Variants in PDE10A observed in about 807,000 individuals in gnomAD.
PDE10A encodes cAMP and cAMP-inhibited cGMP 3',5'-cyclic phosphodiesterase 10A.
In PDE10A, 39 loss-of-function variants were observed where a neutral mutation model predicts 97.7. The observed-to-expected ratio is 0.40, with a 90% CI of 0.31 to 0.52. The LOEUF (loss-of-function observed/expected upper bound fraction) is 0.52, where lower values mean the gene tolerates loss of function less well. PDE10A is among the 20% of genes least tolerant of loss of function. The probability of loss-of-function intolerance (pLI) is 0.56; values close to 1 mark genes in which losing one functional copy is unlikely to be tolerated. For missense variants in PDE10A, 731 were observed against 1,047.8 expected, an observed-to-expected ratio of 0.70 and a Z score of 4.17; for synonymous variants, 371 against 376.8, an observed-to-expected ratio of 0.98 and a Z score of 0.18.
In PDE10A at chr6:165,463,144, G is replaced by A. The variant is rs901684718; in HGVS notation, c.1024-12782C>T. On this transcript the variant is annotated intron_variant, in intron 3 of 21. Transcript: ENST00000539869. ...AGTCTGCGAGCCACAGCCACACTAC[G>A]TTCAGCTGATCTGAACAAAACAGTC... Among the ~76,000 whole-genome samples the A allele has an allele frequency of 7.2e-4, 109 of 152,272 alleles. 1 individual carries two copies. The highest frequency in any genetic ancestry group is 2.4e-3 in the African/African-American group (98 of 41,552).
chr6:165,942,084 A>G (rs773729195), intron 1 of PDE10A, among the ~76,000 whole-genome samples: 1 of 152,142 alleles, frequency 6.6e-6, no homozygotes, highest in Non-Finnish European at 1.5e-5. Flanking sequence ...ATGATTGGCA[A>G]GCAACTTCAA....
chr6:165,817,270 A>C (rs1041725415), intron 1 of PDE10A, among the ~76,000 whole-genome samples: 4 of 152,130 alleles, frequency 2.6e-5, no homozygotes, highest in Non-Finnish European at 5.9e-5. Context: ...AAAGAGGGCT[A>C]TCCTGGGAAT....
chr6:165,349,232 T>A (rs1782527172), intron 18 of PDE10A, among the ~76,000 whole-genome samples: 1 of 152,242 alleles, frequency 6.6e-6, no homozygotes, highest in African/African-American at 2.4e-5. Context: ...GTGGGAAGGT[T>A]TGAAACTTCC....
In PDE10A at chr6:165,646,260, AT is replaced by A. The variant is rs1249280993; in HGVS notation, c.865+15686del. Reference sequence around the variant, plus strand: ...GAAGGATTTCTGGAAACGGCTCTCCATTTTCTTGTCTCTTTTTATGTTGAAA... The same window carrying A: ...GAAGGATTTCTGGAAACGGCTCTCCATTTCTTGTCTCTTTTTATGTTGAAA... On this transcript the variant is annotated intron_variant, in intron 1 of 21. Transcript: ENST00000539869. Among the ~76,000 whole-genome samples, 3 of 152,202 alleles carry A rather than the reference AT, an allele frequency of 2.0e-5. 1 individual carries two copies. The highest frequency in any genetic ancestry group is 2.4e-5 in the African/African-American group (1 of 41,462).
chr6:165,416,110 A>G (rs1295582984), intron 12 of PDE10A, 79 bp downstream of exon 12: 9 of 906,050 alleles, frequency 9.9e-6, no homozygotes, highest in South Asian at 8.1e-5. Context: ...TGGAGAACTC[A>G]GGCTCCACGG....
intron 1 of PDE10A, among the ~76,000 whole-genome samples, chr6:165,882,998 G>A (rs1781527745): frequency 6.6e-6 from 1 of 152,222 alleles, no homozygotes. Context: ...CACTTTGGGA[G>A]GCGGAGGCGG....
intron 1 of PDE10A, among the ~76,000 whole-genome samples, chr6:165,759,045 C>T (rs936284734): frequency 6.6e-6 from 1 of 152,168 alleles, no homozygotes; most frequent in African/African-American, 2.4e-5. Context: ...GTCCGTGGGT[C>T]CAGTGTCCAC....
intron 1 of PDE10A, among the ~76,000 whole-genome samples, chr6:165,707,536 G>A (rs921748596): frequency 6.6e-6 from 1 of 152,190 alleles, no homozygotes; most frequent in African/African-American, 2.4e-5. Flanking sequence ...AATTGTGTGA[G>A]GACATTTTCA....
chr6:165,381,919 C>T (rs1351885292), intron 17 of PDE10A, among the ~76,000 whole-genome samples: 3 of 152,126 alleles, frequency 2.0e-5, no homozygotes, highest in Non-Finnish European at 4.4e-5. Flanking sequence ...TTTGTTAACA[C>T]ATAATAAATC....
chr6:165,704,471 T>A (rs1791659049), intron 1 of PDE10A, among the ~76,000 whole-genome samples: 2 of 152,220 alleles, frequency 1.3e-5, no homozygotes, highest in South Asian at 4.1e-4. Context: ...ATTTTTATTT[T>A]TTTGGTATGG....
chr6:165,899,714 G>A (rs1220812328), intron 1 of PDE10A, among the ~76,000 whole-genome samples: 3 of 152,308 alleles, frequency 2.0e-5, no homozygotes, highest in Admixed American at 6.5e-5. Flanking sequence ...AGCTGTGTGC[G>A]CTGGCCGGGC....
chr6:165,490,424 C>G (rs1780162231), intron 2 of PDE10A, among the ~76,000 whole-genome samples: 3 of 152,180 alleles, frequency 2.0e-5, no homozygotes, highest in Admixed American at 2.0e-4. Context: ...CAAGCCAGCA[C>G]TATGAGAACT....
At chr6:165,650,828 C>G (rs571679161) in intron 1 of PDE10A, among the ~76,000 whole-genome samples, 185 of 152,082 alleles carry the variant, frequency 1.2e-3, no homozygotes, top group Non-Finnish European at 2.3e-3. Context: ...ACCTCCACCC[C>G]CTGGGTTCAA....
intron 1 of PDE10A, among the ~76,000 whole-genome samples, chr6:165,856,322 C>G (rs1780731044): frequency 6.6e-6 from 1 of 152,212 alleles, no homozygotes; most frequent in Admixed American, 6.5e-5. Context: ...GCACCACCCC[C>G]TGCCTGACTC....
chr6:165,840,538 C>T (rs879424202), intron 1 of PDE10A, among the ~76,000 whole-genome samples: 12 of 152,138 alleles, frequency 7.9e-5, no homozygotes, highest in Admixed American at 6.5e-4. Context: ...CACTTGAAGG[C>T]GCTGGCTCAC....
rs553993009 is a variant in PDE10A at position 165,470,462 on chromosome 6, T to C, written c.1023+11853A>G. 1.1e-3 allele frequency among the ~76,000 whole-genome samples: 164 copies of C among 152,360 alleles called. 1 individual carries two copies. Among genetic ancestry groups the C allele is most frequent in the African/African-American group, 3.8e-3 (158 of 41,590 alleles). The stretch of plus-strand genomic sequence containing the variant: ...TCATAAAATCCAGTATTAAAAACTT[T>C]GTCCTGAAAAAGACTGATTGGTGCC... On this transcript the variant is annotated intron_variant, in intron 3 of 21. Coordinates refer to ENST00000539869, the MANE Select transcript of PDE10A (RefSeq NM_001385079.1).
intron 1 of PDE10A, among the ~76,000 whole-genome samples, chr6:165,904,112 C>T (rs1782195798): frequency 6.6e-6 from 1 of 152,004 alleles, no homozygotes; most frequent in East Asian, 1.9e-4. Flanking sequence ...GGTTGTTATA[C>T]CAAAGATGAA....
intron 2 of PDE10A, among the ~76,000 whole-genome samples, chr6:165,522,693 T>C (rs1390482042): frequency 6.6e-6 from 1 of 152,004 alleles, no homozygotes; most frequent in Non-Finnish European, 1.5e-5. Context: ...AAGCTTTTGC[T>C]TCTAGTTTAA....
intron 19 of PDE10A, among the ~76,000 whole-genome samples, chr6:165,342,633 C>A (rs1426925816): frequency 6.6e-6 from 1 of 152,204 alleles, no homozygotes; most frequent in Non-Finnish European, 1.5e-5. Context: ...TTATCAGCTG[C>A]TTTGTCCTCC....
Sources: gnomAD v4.1 joint callset for allele counts (sites outside exome capture counted in the v4.1 genomes callset) on GRCh38, gnomAD v4.1.1 for gene constraint, MANE v1.5 for transcripts, NCBI Gene and HGNC (gene_info 2026-07-23, HGNC 2026-07-21) for gene names.